DOK5: variants seen among roughly 807,000 people sequenced by gnomAD.
DOK5 encodes downstream of tyrosine kinase 5.
In DOK5, 27 loss-of-function variants were observed where a neutral mutation model predicts 43.3. The observed-to-expected ratio is 0.62, with a 90% CI of 0.46 to 0.86. The LOEUF is 0.86. Among genes scored for constraint, DOK5 ranks in the 40% least tolerant of loss-of-function variants. The pLI is 0.00. For missense variants in DOK5, 373 were observed against 392.9 expected, an observed-to-expected ratio of 0.95 and a Z score of 0.43; for synonymous variants, 146 against 140.1, an observed-to-expected ratio of 1.04 and a Z score of -0.30.
At position 54,475,922 on chromosome 20, in the gene DOK5, A is replaced by AG; in HGVS notation, c.-25_-24insG. ...CACTTCGGGTGCGCGCTCTTGGGTA[A>AG]AGGGGGGGTCACCGGCTGTCTGGGA... On this transcript the variant is annotated 5_prime_UTR_variant, in exon 1 of 8. Transcript: ENST00000262593. The surrounding 1 kb of genome is among the most constrained non-coding windows in gnomAD (Gnocchi z 4.2). 10 of 1,609,444 alleles carry AG rather than the reference A, an allele frequency of 6.2e-6. No individual in the cohort carries two copies. Among genetic ancestry groups the AG allele is most frequent in the African/African-American group, 1.4e-5 (1 of 73,422 alleles).
At chr20:54,649,148 G>C (rs1979581487) in intron 7 of DOK5, among the ~76,000 whole-genome samples, 1 of 152,218 alleles carries the variant, frequency 6.6e-6, no homozygotes, top group Non-Finnish European at 1.5e-5. Flanking sequence ...GAGTTGGTGA[G>C]AGTGGGACTA....
intron 2 of DOK5, among the ~76,000 whole-genome samples, chr20:54,564,508 CA>C (rs1985026031): frequency 6.6e-6 from 1 of 152,132 alleles, no homozygotes; most frequent in Non-Finnish European, 1.5e-5. Context: ...CCATCAAGGA[CA>C]AATTTGTGTC....
chr20:54,475,745 G>A lies in DOK5; in HGVS notation c.-202G>A. 1 of 668,172 alleles carries A rather than the reference G, an allele frequency of 1.5e-6. No homozygotes were observed. The highest frequency in any genetic ancestry group is 2.5e-6 in the Non-Finnish European group (1 of 404,566). The allele number at this position is 668,172 out of a possible 1,614,324, so 41.4% of individuals were successfully genotyped here. A position where few individuals can be genotyped will look rare whatever the true frequency, so the allele number is the denominator to read the frequency against. On this transcript the variant is annotated 5_prime_UTR_variant, in exon 1 of 8. Transcript: ENST00000262593. This position sits in a 1 kb window ranked among gnomAD's most constrained non-coding sequence, Gnocchi z 4.2. ...CGCTCTGCGCTCCCCGAAAGTGGCT[G>A]CAAGCCGGCCGCCCACTGTCAGGGT...
chr20:54,609,179 A>T (rs1055053867), intron 5 of DOK5, among the ~76,000 whole-genome samples: 3 of 152,232 alleles, frequency 2.0e-5, no homozygotes, highest in African/African-American at 7.2e-5. Context: ...GACTAAAAAA[A>T]ATAACAGTGG....
chr20:54,528,206 C>T (rs1029646249), intron 1 of DOK5, among the ~76,000 whole-genome samples: 7 of 151,958 alleles, frequency 4.6e-5, no homozygotes, highest in Non-Finnish European at 8.8e-5. Flanking sequence ...AACTCCGTCT[C>T]AAAACAAAAC....
chr20:54,491,399 A>T (rs1490212900), intron 1 of DOK5, among the ~76,000 whole-genome samples: 1 of 152,192 alleles, frequency 6.6e-6, no homozygotes, highest in Admixed American at 6.5e-5. Context: ...TATGTCAAGA[A>T]ATTCCAAAAG....
At chr20:54,585,163 GTGT>G (rs899593620) in intron 2 of DOK5, among the ~76,000 whole-genome samples, 40 of 151,990 alleles carry the variant, frequency 2.6e-4, no homozygotes, top group African/African-American at 9.4e-4. Flanking sequence ...GTATGTGTGT[GTGT>G]TGTGTGTGTG....
At chr20:54,637,238 A>G (rs1978866874) in intron 6 of DOK5, among the ~76,000 whole-genome samples, 1 of 152,240 alleles carries the variant, frequency 6.6e-6, no homozygotes. Context: ...AATTGATGAC[A>G]TAAGTCGATT....
chr20:54,625,328 T>C (rs1987101888), intron 6 of DOK5, among the ~76,000 whole-genome samples: 1 of 152,220 alleles, frequency 6.6e-6, no homozygotes, highest in African/African-American at 2.4e-5. Flanking sequence ...AAGGGCCTCA[T>C]AGAGGTTCTA....
At chr20:54,629,626 CAG>C (rs1294079987) in intron 6 of DOK5, among the ~76,000 whole-genome samples, 1 of 152,188 alleles carries the variant, frequency 6.6e-6, no homozygotes, top group African/African-American at 2.4e-5. Context: ...AGGAGTACAA[CAG>C]AGAACAAGAA....
At chr20:54,526,594 G>C (rs972631013) in intron 1 of DOK5, among the ~76,000 whole-genome samples, 1 of 152,026 alleles carries the variant, frequency 6.6e-6, no homozygotes, top group Non-Finnish European at 1.5e-5. Context: ...CAAGTATATG[G>C]GATTTTTAAA....
Position 54,643,527 on chromosome 20 carries a change from TGGCAGCACATCACAC to T in DOK5, c.815_829del (p.Ile272_His276del), listed in dbSNP as rs780393618. 18 of 1,613,484 alleles carry T rather than the reference TGGCAGCACATCACAC, an allele frequency of 1.1e-5. No homozygotes were observed. The highest frequency in any genetic ancestry group is 1.5e-5 in the Non-Finnish European group (18 of 1,180,052). ...GGTGCCCCTGCCTCGCAGCGCCTAC[TGGCAGCACATCACAC>T]GGCAGCACAGCACGGGACAGCTCTA... is the stretch of plus-strand genomic sequence containing the variant. On this transcript the variant is annotated inframe_deletion, in exon 7 of 8. Transcript: ENST00000262593.
rs940982323 is a variant in DOK5, at chr20:54,591,730, A to G, written c.524A>G (p.Lys175Arg). The change falls in exon 5 of 8, where the codon AAA (lysine) becomes AGA (arginine). Residue 175 changes from lysine (K) to arginine (R), a missense_variant. By Grantham distance (26) the Lys-to-Arg change is conservative. Coordinates refer to ENST00000262593, the MANE Select transcript of DOK5 (RefSeq NM_018431.5). Reference protein sequence around the residue: ...CLWDVQNPRVKLISWPLSALR... With the variant: ...CLWDVQNPRVRLISWPLSALR... ...TGGGACGTCCAGAATCCCAGAGTCA[A>G]ACTCATCTCTTGGCCGCTAAGCGCC... 4.3e-6 allele frequency: 7 copies of G among 1,614,112 alleles called. No individual in the cohort carries two copies. The Admixed American group carries it at 5.0e-5, about 12-fold the overall frequency.
At chr20:54,606,145 C>T (rs6091930) in intron 5 of DOK5, among the ~76,000 whole-genome samples, 8,932 of 152,194 alleles carry the variant, frequency 0.059, 897 homozygotes, top group African/African-American at 0.2. Context: ...ATCCATGATT[C>T]GGAGTGACAG....
At chr20:54,519,409 AT>A (rs1983315254) in intron 1 of DOK5, among the ~76,000 whole-genome samples, 1 of 152,208 alleles carries the variant, frequency 6.6e-6, no homozygotes, top group Non-Finnish European at 1.5e-5. Context: ...TATAATAGTT[AT>A]TGATTCTATT....
rs1950082991 is a variant in DOK5 at position 54,494,682 on chromosome 20, A to G, written c.66+18670A>G. 3 of 152,176 alleles carry G rather than the reference A, an allele frequency of 2.0e-5. 1 individual carries two copies. In the South Asian group the frequency reaches 6.2e-4, roughly 32 times the overall value. The allele number at this position is 152,176 out of a possible 1,614,324, so 9.4% of individuals were successfully genotyped here. ...AAATTTGATAGATCATATTTTATTT[A>G]TTATGTTGTTAAAATGCCCCACTCT... On this transcript the variant is annotated intron_variant, in intron 1 of 7. Transcript: ENST00000262593.
rs1037779220 is a variant in DOK5, at chr20:54,638,757, T to C, written c.736-4701T>C. Among the ~76,000 whole-genome samples the C allele has an allele frequency of 2.8e-4, 42 of 147,560 alleles. 1 individual carries two copies. The highest frequency in any genetic ancestry group is 4.3e-4 in the Non-Finnish European group (29 of 66,722). ...AACACCATTTCTTTTCTTTTCTTTT[T>C]TTTTTTTTTTTTTTGAGACTGAGTC... On this transcript the variant is annotated intron_variant, in intron 6 of 7. Coordinates refer to ENST00000262593, the MANE Select transcript of DOK5 (RefSeq NM_018431.5).
chr20:54,647,408 G>A (rs1276875943), intron 7 of DOK5, among the ~76,000 whole-genome samples: 1 of 151,936 alleles, frequency 6.6e-6, no homozygotes, highest in African/African-American at 2.4e-5. Context: ...GGAAAGCTGA[G>A]GTGGGAGAAT....
Position 54,591,746 on chromosome 20 carries a change from G to A in DOK5, c.540G>A (p.Pro180=), listed in dbSNP as rs756901677. Residue 180 remains proline (P), a synonymous_variant, in exon 5 of 8, where the codon CCG becomes CCA. Transcript: ENST00000262593. ...QNPRVKLISW[P]LSALRRYGRD... ...CCAGAGTCAAACTCATCTCTTGGCC[G>A]CTAAGCGCCCTGCGGCGGTATGGAC... 9 of 1,614,122 alleles carry A rather than the reference G, an allele frequency of 5.6e-6. No individual in the cohort carries two copies. Among genetic ancestry groups the A allele is most frequent in the South Asian group, 1.1e-5 (1 of 91,080 alleles).
Sources: gnomAD v4.1 joint callset for allele counts (sites outside exome capture counted in the v4.1 genomes callset) on GRCh38, gnomAD v4.1.1 for gene constraint, Gnocchi (gnomAD v3.1) non-coding constraint, MANE v1.5 for transcripts, NCBI Gene and HGNC (gene_info 2026-07-23, HGNC 2026-07-21) for gene names.